Variants in NCOR1 observed in about 807,000 individuals in gnomAD.
NCOR1 encodes the protein nuclear receptor corepressor 1, also known as protein phosphatase 1, regulatory subunit 109.
Under a neutral mutation model 288.1 loss-of-function variants are expected in NCOR1, and 63 were observed. That is an observed-to-expected ratio of 0.22 (90% CI 0.18 to 0.27). The LOEUF (loss-of-function observed/expected upper bound fraction) is 0.27, where lower values mean the gene tolerates loss of function less well. Among genes scored for constraint, NCOR1 ranks in the 10% least tolerant of loss-of-function variants. The probability of loss-of-function intolerance (pLI) is 1.00; values close to 1 mark genes in which losing one functional copy is unlikely to be tolerated. For missense variants in NCOR1, 2,397 were observed against 3,019.2 expected (o/e 0.79, Z 4.83); for synonymous variants, 1,007 against 1,065.9 (o/e 0.94, Z 1.08).
intron 35 of NCOR1, among the ~76,000 whole-genome samples, chr17:16,063,083 C>A (rs956910521): frequency 6.6e-6 from 1 of 152,130 alleles, no homozygotes; most frequent in Non-Finnish European, 1.5e-5. Flanking sequence ...TAGCACACAC[C>A]CCTCTTCTCA....
In NCOR1 at chr17:16,119,918, C is replaced by G. The variant is rs201328903; in HGVS notation, c.1853-433G>C. ...TCCTGGAGCCCCTTTAGTTCATCCCCGAGTGTCTGACATCCAGTGGGTAAA... is the reference window on the plus strand; with the variant it reads ...TCCTGGAGCCCCTTTAGTTCATCCCGGAGTGTCTGACATCCAGTGGGTAAA... On this transcript the variant is annotated intron_variant, in intron 16 of 45. Coordinates refer to ENST00000268712, the MANE Select transcript of NCOR1 (RefSeq NM_006311.4). Among the ~76,000 whole-genome samples, 4 of 152,018 alleles carry G rather than the reference C, an allele frequency of 2.6e-5. No individual in the cohort carries two copies. In the East Asian group the frequency reaches 7.7e-4, roughly 29 times the overall value.
intron 19 of NCOR1, among the ~76,000 whole-genome samples, chr17:16,106,703 A>G (rs2068705568): frequency 6.6e-6 from 1 of 151,592 alleles, no homozygotes; most frequent in Admixed American, 6.6e-5. Flanking sequence ...CATGAGCTGC[A>G]TTTATGTTCT....
In NCOR1 at chr17:16,201,037, T is replaced by C. The variant is rs2090723543; in HGVS notation, c.-70-6398A>G. The stretch of plus-strand genomic sequence containing the variant: ...ATAAATTTTCTCTTGTAAAATAAAC[T>C]AAAGCATTCTTCCCTTTGGGGGGAA... On this transcript the variant is annotated intron_variant, in intron 1 of 45. Coordinates refer to ENST00000268712, the MANE Select transcript of NCOR1 (RefSeq NM_006311.4). Among the ~76,000 whole-genome samples the C allele has an allele frequency of 2.0e-5, 3 of 152,196 alleles. No individual in the cohort carries two copies. In the South Asian group the frequency reaches 6.2e-4, roughly 31 times the overall value.
chr17:16,187,071 C>A (rs2086806486), intron 2 of NCOR1, among the ~76,000 whole-genome samples: 5 of 152,068 alleles, frequency 3.3e-5, no homozygotes, highest in Admixed American at 3.3e-4. Flanking sequence ...TAATCAAATC[C>A]ATCCACACTT....
chr17:16,065,732 C>A (rs1316980385), intron 32 of NCOR1, 38 bp from the exon 33 acceptor site: 1 of 1,585,928 alleles, frequency 6.3e-7, no homozygotes, highest in East Asian at 2.2e-5. Flanking sequence ...TGAGTTTTGT[C>A]CTGGCTGAAA....
intron 40 of NCOR1, among the ~76,000 whole-genome samples, chr17:16,053,184 G>C (rs1195953518): frequency 6.6e-6 from 1 of 152,194 alleles, no homozygotes. Flanking sequence ...CCTATTGGAA[G>C]TCTTGACCAG....
chr17:16,102,521 T>C (rs1464490614), intron 19 of NCOR1, among the ~76,000 whole-genome samples: 2 of 152,144 alleles, frequency 1.3e-5, no homozygotes, highest in South Asian at 2.1e-4. Flanking sequence ...TAGCAAAAAA[T>C]CATAAGATTA....
chr17:16,079,703 T>C (rs922579389), intron 26 of NCOR1, among the ~76,000 whole-genome samples: 1 of 152,220 alleles, frequency 6.6e-6, no homozygotes, highest in Non-Finnish European at 1.5e-5. Context: ...CAATAAGAGC[T>C]GCATCAATTA....
intron 4 of NCOR1, among the ~76,000 whole-genome samples, chr17:16,166,534 G>T (rs2082036702): frequency 6.6e-6 from 1 of 151,978 alleles, no homozygotes; most frequent in Non-Finnish European, 1.5e-5. Flanking sequence ...ACAAAAATTA[G>T]CTGGGCGTGG....
chr17:16,069,095 C>G (rs992939166), intron 31 of NCOR1, among the ~76,000 whole-genome samples: 1 of 152,154 alleles, frequency 6.6e-6, no homozygotes, highest in Non-Finnish European at 1.5e-5. Flanking sequence ...GTACAATTCA[C>G]AGTGGCATTA....
intron 21 of NCOR1, among the ~76,000 whole-genome samples, chr17:16,092,862 C>G (rs1296697576): frequency 6.7e-6 from 1 of 150,238 alleles, no homozygotes; most frequent in Non-Finnish European, 1.5e-5. Context: ...CCACACCCAA[C>G]TAATTTTTCT....
chr17:16,136,806 CA>C (rs60523446), intron 14 of NCOR1, among the ~76,000 whole-genome samples: 6,642 of 111,774 alleles, frequency 0.059, 177 homozygotes, highest in East Asian at 0.15. Context: ...GACTCTGTTT[CA>C]AAAAAAAAAA....
chr17:16,127,658 T>TAC (rs1171936305), intron 14 of NCOR1, among the ~76,000 whole-genome samples: 1 of 147,022 alleles, frequency 6.8e-6, no homozygotes, highest in Non-Finnish European at 1.5e-5. Context: ...TGTGTATATA[T>TAC]ACATATATGT....
At chr17:16,176,313 G>A (rs2084178329) in intron 3 of NCOR1, among the ~76,000 whole-genome samples, 1 of 152,160 alleles carries the variant, frequency 6.6e-6, no homozygotes, top group African/African-American at 2.4e-5. Flanking sequence ...CTGTCTCCCA[G>A]GCTAGAGTAC....
intron 22 of NCOR1, among the ~76,000 whole-genome samples, chr17:16,087,813 A>T (rs1035059497): frequency 3.9e-5 from 6 of 152,210 alleles, no homozygotes; most frequent in African/African-American, 1.4e-4. Context: ...GATCAAACTA[A>T]TTCAAAAATC....
intron 19 of NCOR1, among the ~76,000 whole-genome samples, chr17:16,103,120 C>A (rs758400742): frequency 1.3e-5 from 2 of 152,178 alleles, no homozygotes; most frequent in Non-Finnish European, 2.9e-5. Context: ...ATATCAAAGG[C>A]AGCACAAATT....
At position 16,204,611 on chromosome 17, in the gene NCOR1, T is replaced by A. The variant is rs551847697; in HGVS notation, c.-70-9972A>T. ...TAGAGGCATATAATGTTCCTCGCTT[T>A]GTTTTTCTAGTTTAGTAGATAGGTG... On this transcript the variant is annotated intron_variant, in intron 1 of 45. Transcript: ENST00000268712. 2.0e-5 allele frequency among the ~76,000 whole-genome samples: 3 copies of A among 152,354 alleles called. 1 individual carries two copies. The highest frequency in any genetic ancestry group is 6.8e-3 in the Middle Eastern group (2 of 294).
intron 45 of NCOR1, among the ~76,000 whole-genome samples, chr17:16,033,806 G>A (rs1973149845): frequency 6.6e-6 from 1 of 152,034 alleles, no homozygotes; most frequent in African/African-American, 2.4e-5. Context: ...ACAGATGATG[G>A]CTTTTTTTGT....
chr17:16,034,584 G>C (rs1017436962), intron 45 of NCOR1, among the ~76,000 whole-genome samples, 181 bp downstream of exon 45: 6 of 151,874 alleles, frequency 4.0e-5, no homozygotes, highest in Non-Finnish European at 5.9e-5. Context: ...TTCCAGCCTG[G>C]GTGACAGAAC....
Sources: allele counts gnomAD v4.1 joint callset (sites outside exome capture counted in the v4.1 genomes callset), GRCh38; gene constraint gnomAD v4.1.1; transcripts MANE v1.5; gene names NCBI Gene and HGNC (gene_info 2026-07-23, HGNC 2026-07-21).